LPCAT1: variants seen among roughly 807,000 people sequenced by gnomAD.
The protein encoded by LPCAT1 is 1-acylglycerol-3-phosphate O-acyltransferase.
Under a neutral mutation model 60.9 loss-of-function variants are expected in LPCAT1, and 23 were observed. The ratio of observed to expected loss-of-function variants is 0.38; its 90% CI spans 0.27 to 0.53. The LOEUF is 0.53. LPCAT1 is among the 20% of genes least tolerant of loss of function. LPCAT1 has a pLI of 0.82. For synonymous variants in LPCAT1, 340 were observed against 301.1 expected (o/e 1.13, Z -1.34); for missense variants, 622 against 723.6 (o/e 0.86, Z 1.61).
chr5:1,479,494 G>C, intron 8 of LPCAT1, 127 bp downstream of exon 8: 2 of 730,538 alleles, frequency 2.7e-6, no homozygotes, highest in Non-Finnish European at 4.9e-6. Context: ...CCTGAGAAAC[G>C]GAAAGATGGG....
intron 2 of LPCAT1, among the ~76,000 whole-genome samples, chr5:1,499,140 G>A (rs1351276594): frequency 2.0e-5 from 3 of 152,210 alleles, no homozygotes; most frequent in Non-Finnish European, 2.9e-5. Flanking sequence ...TCCATTTATC[G>A]CCTGTTGAAG....
intron 1 of LPCAT1, among the ~76,000 whole-genome samples, chr5:1,506,237 G>A (rs1338233136): frequency 6.6e-6 from 1 of 152,214 alleles, no homozygotes; most frequent in East Asian, 1.9e-4. Flanking sequence ...AGGAGGAGCA[G>A]TGCTCCTGGT....
chr5:1,470,789 T>G, intron 12 of LPCAT1, 37 bp downstream of exon 12: 1 of 1,539,832 alleles, frequency 6.5e-7, no homozygotes. Context: ...TGCACCGCCC[T>G]GTCCCCCAGT....
intron 13 of LPCAT1, among the ~76,000 whole-genome samples, chr5:1,465,638 GCA>G (rs1734355627): frequency 6.7e-6 from 1 of 150,146 alleles, no homozygotes; most frequent in Non-Finnish European, 1.5e-5. Flanking sequence ...AAGCACAAGA[GCA>G]CAGACACGGT....
At chr5:1,503,555 A>T (rs1736092358) in intron 1 of LPCAT1, among the ~76,000 whole-genome samples, 1 of 152,138 alleles carries the variant, frequency 6.6e-6, no homozygotes, top group African/African-American at 2.4e-5. Context: ...TTTTAAAAGG[A>T]ATTGCTAGGT....
intron 12 of LPCAT1, 138 bp downstream of exon 12, chr5:1,470,687 TA>T: frequency 1.7e-6 from 1 of 600,600 alleles, no homozygotes; most frequent in Non-Finnish European, 2.8e-6. Flanking sequence ...ACAGCTAGCA[TA>T]AAAAGCTTAC....
intron 11 of LPCAT1, among the ~76,000 whole-genome samples, chr5:1,473,291 C>A (rs1461594043): frequency 6.6e-6 from 1 of 152,244 alleles, no homozygotes; most frequent in Non-Finnish European, 1.5e-5. Context: ...TCCTCCAGGA[C>A]CACAGTGTAA....
intron 6 of LPCAT1, among the ~76,000 whole-genome samples, chr5:1,482,217 G>A (rs943562740): frequency 6.6e-6 from 1 of 151,794 alleles, no homozygotes; most frequent in Non-Finnish European, 1.5e-5. Flanking sequence ...GGGAGTCATT[G>A]CTGTGGAAGG....
chr5:1,513,817 C>T (rs548009171), intron 1 of LPCAT1, among the ~76,000 whole-genome samples: 1 of 149,976 alleles, frequency 6.7e-6, no homozygotes, highest in Admixed American at 6.6e-5. Context: ...CAGGCTCTCA[C>T]CGGTGAGGCG....
chr5:1,511,101 C>G (rs1270313232), intron 1 of LPCAT1, among the ~76,000 whole-genome samples: 1 of 152,202 alleles, frequency 6.6e-6, no homozygotes, highest in Non-Finnish European at 1.5e-5. Flanking sequence ...CACTGAAGCC[C>G]CATATCCCAG....
At position 1,468,767 on chromosome 5, in the gene LPCAT1, T is replaced by C. The variant is rs574723731; in HGVS notation, c.1279-1877A>G. On this transcript the variant is annotated intron_variant, in intron 12 of 13. Coordinates refer to ENST00000283415, the MANE Select transcript of LPCAT1 (RefSeq NM_024830.5). ...GCATCCGGAGTCCTGAGCACCGGCG[T>C]GTGCCTCTGGGGTCCTAGGTGCTAG... Among the ~76,000 whole-genome samples, 53 of 152,348 alleles carry C rather than the reference T, an allele frequency of 3.5e-4. No homozygotes were observed. The East Asian group carries it at 5.2e-3, about 15-fold the overall frequency.
chr5:1,470,921 C>T lies in LPCAT1; in HGVS notation c.1183G>A (p.Gly395Ser), dbSNP rs750709106. The change falls in exon 12 of 14, where the codon GGC becomes AGC. Residue 395 changes from glycine to serine, a missense_variant. Gly to Ser is a moderately conservative substitution (Grantham distance 56, BLOSUM62 0). Transcript: ENST00000283415. Reference protein sequence around the residue: ...EDMFSLFDESGSGEVDLRECV... With the variant: ...EDMFSLFDESSSGEVDLRECV... The stretch of plus-strand genomic sequence containing the variant: ...TCTCGCAGGTCCACCTCGCCGCTGC[C>T]GCTCTGTGGGGAGAGACGCTCTCAG... 19 of 1,612,506 alleles carry T rather than the reference C, an allele frequency of 1.2e-5. 1 individual carries two copies. The Middle Eastern group carries it at 4.9e-4, about 42-fold the overall frequency.
chr5:1,470,216 T>C (rs527654001), intron 12 of LPCAT1, among the ~76,000 whole-genome samples: 3 of 152,330 alleles, frequency 2.0e-5, no homozygotes, highest in East Asian at 1.9e-4. Context: ...GAAATCCACA[T>C]TGGTGCTGCT....
intron 13 of LPCAT1, among the ~76,000 whole-genome samples, chr5:1,464,118 A>T (rs769141877): frequency 5.9e-5 from 9 of 152,232 alleles, no homozygotes; most frequent in Non-Finnish European, 1.2e-4. Context: ...AATTCGACAG[A>T]TATATCCCGG....
chr5:1,481,500 G>T lies in LPCAT1; in HGVS notation c.727-524C>A, dbSNP rs896542942. ...AAGTCCCATCTTCAGCCTCAGTGCC[G>T]CCGGGCAGGGACCACACAGCAGGGG... On this transcript the variant is annotated intron_variant, in intron 6 of 13. Coordinates refer to ENST00000283415, the MANE Select transcript of LPCAT1 (RefSeq NM_024830.5). The surrounding 1 kb of genome is among the most constrained non-coding windows in gnomAD (Gnocchi z 7.8). Among the ~76,000 whole-genome samples the T allele has an allele frequency of 6.6e-6, 1 of 152,254 alleles. No homozygotes were observed. Among genetic ancestry groups the T allele is most frequent in the African/African-American group, 2.4e-5 (1 of 41,472 alleles).
rs527296444 is a variant in LPCAT1, at chr5:1,512,695, G to C, written c.135+11015C>G. 2.6e-5 allele frequency among the ~76,000 whole-genome samples: 4 copies of C among 152,376 alleles called. No homozygotes were observed. In the South Asian group the frequency reaches 8.3e-4, roughly 32 times the overall value. On this transcript the variant is annotated intron_variant, in intron 1 of 13. Transcript: ENST00000283415. ...CTTCCTCCCATCGGGGGGCTCTGCT[G>C]TCTGGACTAAGCGTTCCCTGACACC...
rs115111606 is a variant in LPCAT1 at position 1,495,657 on chromosome 5, G to A, written c.279-743C>T. Among the ~76,000 whole-genome samples the A allele has an allele frequency of 3.3e-3, 508 of 152,324 alleles. 4 individuals are homozygous for A. The highest frequency in any genetic ancestry group is 5.0e-3 in the Non-Finnish European group (341 of 68,036). ...TTGACACGCAGCAGACAGCCACGGT[G>A]TGTGAGAAGCCACAGGTCAGGCACA... On this transcript the variant is annotated intron_variant, in intron 2 of 13. Coordinates refer to ENST00000283415, the MANE Select transcript of LPCAT1 (RefSeq NM_024830.5). This position sits in a 1 kb window ranked among gnomAD's most constrained non-coding sequence, Gnocchi z 4.7.
intron 1 of LPCAT1, among the ~76,000 whole-genome samples, chr5:1,516,362 T>C (rs1382528528): frequency 1.3e-5 from 2 of 152,172 alleles, no homozygotes; most frequent in African/African-American, 4.8e-5. Context: ...GACTCTTCCC[T>C]GATGGAGACA....
chr5:1,486,534 G>A (rs546468527), intron 5 of LPCAT1, among the ~76,000 whole-genome samples: 23 of 152,166 alleles, frequency 1.5e-4, no homozygotes, highest in Non-Finnish European at 3.4e-4. Context: ...GGTGGAGGGA[G>A]GGTCTGAGTG....
Sources: gnomAD v4.1 joint callset for allele counts (sites outside exome capture counted in the v4.1 genomes callset) on GRCh38, gnomAD v4.1.1 for gene constraint, Gnocchi (gnomAD v3.1) non-coding constraint, MANE v1.5 for transcripts, NCBI Gene and HGNC (gene_info 2026-07-23, HGNC 2026-07-21) for gene names.